Variants in NRXN3 observed in about 807,000 individuals in gnomAD.
NRXN3 encodes the protein neurexin 3.
In NRXN3, 32 loss-of-function variants were observed where a neutral mutation model predicts 137.6. The observed-to-expected ratio is 0.23, with a 90% CI of 0.18 to 0.31. The LOEUF (loss-of-function observed/expected upper bound fraction) is 0.31, where lower values mean the gene tolerates loss of function less well. NRXN3 is among the 10% of genes least tolerant of loss of function. The probability of loss-of-function intolerance (pLI) is 1.00; values close to 1 mark genes in which losing one functional copy is unlikely to be tolerated. For synonymous variants in NRXN3, 798 were observed against 784.5 expected (o/e 1.02, Z -0.29); for missense variants, 1,574 against 2,062.5 (o/e 0.76, Z 4.59).
chr14:79,210,502 GTT>G (rs2067487012), intron 15 of NRXN3, among the ~76,000 whole-genome samples: 1 of 152,232 alleles, frequency 6.6e-6, no homozygotes, highest in East Asian at 1.9e-4. Flanking sequence ...TAACACTCTG[GTT>G]TATATCTAAT....
Position 79,862,904 on chromosome 14 carries a change from T to C in NRXN3, c.*940T>C, listed in dbSNP as rs45542336. 6.8e-3 allele frequency: 1,031 copies of C among 152,518 alleles called. 6 individuals carry two copies. The highest frequency in any genetic ancestry group is 0.012 in the Non-Finnish European group (797 of 68,020). The allele number at this position is 152,518 out of a possible 1,614,324, so 9.4% of individuals were successfully genotyped here. A position where few individuals can be genotyped will look rare whatever the true frequency, so the allele number is the denominator to read the frequency against. ...TACGTAACAATATTGTTCCTGTCCATTCACCCAGCCAAATTGTGTTAAAGA... is the reference window on the plus strand; with the variant it reads ...TACGTAACAATATTGTTCCTGTCCACTCACCCAGCCAAATTGTGTTAAAGA... On this transcript the variant is annotated 3_prime_UTR_variant, in exon 21 of 21. Transcript: ENST00000335750.
intron 13 of NRXN3, 125 bp from the exon 14 acceptor site, chr14:78,968,048 T>TTTCCCCCCCCCCCCC (rs2099425468): frequency 1.8e-5 from 1 of 54,440 alleles, no homozygotes; most frequent in African/African-American, 5.4e-5. Context: ...ATTTATGCTG[T>TTTCCCCCCCCCCCCC]CCCCCCCCCC....
chr14:79,197,851 A>T (rs765991611), intron 15 of NRXN3, among the ~76,000 whole-genome samples: 64 of 152,154 alleles, frequency 4.2e-4, no homozygotes, highest in Non-Finnish European at 2.8e-4. Context: ...CCACTGTAGG[A>T]CAGCTTTCAA....
At position 78,631,984 on chromosome 14, in the gene NRXN3, G is replaced by A. The variant is rs1213047740; in HGVS notation, c.758-13136G>A. ...AAAAAATTAGCCGGGCGTGGTGGCG[G>A]CTGCCTGTAGTCCCACCTTCTCAGG... On this transcript the variant is annotated intron_variant, in intron 4 of 20. Coordinates refer to ENST00000335750, the MANE Select transcript of NRXN3 (RefSeq NM_001330195.2). 2.6e-5 allele frequency among the ~76,000 whole-genome samples: 4 copies of A among 151,924 alleles called. No individual in the cohort carries two copies. The East Asian group carries it at 7.7e-4, about 29-fold the overall frequency.
In NRXN3 at chr14:78,637,729, C is replaced by A. The variant is rs534617320; in HGVS notation, c.758-7391C>A. ...AATGTAAGTCCACTGTTCAACCAGG[C>A]AGAGTGCCCTGTTAACATGAATCCG... On this transcript the variant is annotated intron_variant, in intron 4 of 20. Transcript: ENST00000335750. Among the ~76,000 whole-genome samples the A allele has an allele frequency of 5.6e-4, 85 of 152,342 alleles. 1 individual carries two copies. The highest frequency in any genetic ancestry group is 2.9e-3 in the South Asian group (14 of 4,826).
intron 15 of NRXN3, among the ~76,000 whole-genome samples, chr14:79,267,446 C>T (rs1172734762): frequency 2.0e-5 from 3 of 151,730 alleles, no homozygotes; most frequent in Admixed American, 2.0e-4. Context: ...GCAACCTGCA[C>T]CTCCCAGGCT....
chr14:78,661,807 G>T (rs896579821), intron 6 of NRXN3, among the ~76,000 whole-genome samples: 1 of 152,054 alleles, frequency 6.6e-6, no homozygotes, highest in Non-Finnish European at 1.5e-5. Context: ...ACTTGATAGG[G>T]CTGTTGTATT....
intron 11 of NRXN3, among the ~76,000 whole-genome samples, chr14:78,962,796 C>T (rs31423): frequency 0.22 from 33,391 of 151,966 alleles, 7,124 homozygotes; most frequent in African/African-American, 0.56. Flanking sequence ...TCACTGCAGC[C>T]TCTGCCTCCT....
intron 15 of NRXN3, among the ~76,000 whole-genome samples, chr14:79,462,295 C>T (rs930837526): frequency 3.9e-5 from 6 of 151,988 alleles, no homozygotes; most frequent in African/African-American, 1.5e-4. Context: ...ATCGCTTGAA[C>T]CCAGGAGGCA....
At chr14:79,242,607 G>A (rs1474675427) in intron 15 of NRXN3, among the ~76,000 whole-genome samples, 4 of 152,048 alleles carry the variant, frequency 2.6e-5, no homozygotes, top group South Asian at 4.2e-4. Flanking sequence ...CCTCTCCAGA[G>A]GTAACTGCAA....
At chr14:78,302,614 G>A (rs980972225) in intron 4 of NRXN3, among the ~76,000 whole-genome samples, 1 of 152,246 alleles carries the variant, frequency 6.6e-6, no homozygotes, top group South Asian at 2.1e-4. Context: ...ATTCTCTGTA[G>A]CATATGTCTC....
At chr14:79,435,387 G>GA (rs917228388) in intron 15 of NRXN3, among the ~76,000 whole-genome samples, 16 of 151,968 alleles carry the variant, frequency 1.1e-4, no homozygotes, top group South Asian at 2.1e-4. Flanking sequence ...TGCTAAATAG[G>GA]AAAAAATCTT....
chr14:78,808,549 C>G (rs2098891277), intron 9 of NRXN3, among the ~76,000 whole-genome samples: 1 of 152,156 alleles, frequency 6.6e-6, no homozygotes, highest in African/African-American at 2.4e-5. Flanking sequence ...TCCTCCCTCC[C>G]TGCCCTCCCT....
At chr14:78,218,761 T>A (rs1003733752) in intron 1 of NRXN3, among the ~76,000 whole-genome samples, 5 of 152,232 alleles carry the variant, frequency 3.3e-5, no homozygotes, top group Non-Finnish European at 7.3e-5. Flanking sequence ...ATGGGGTACC[T>A]AAGCTGTGAG....
At chr14:78,775,422 G>A (rs545731820) in intron 8 of NRXN3, among the ~76,000 whole-genome samples, 2 of 152,288 alleles carry the variant, frequency 1.3e-5, no homozygotes, top group Admixed American at 6.5e-5. Context: ...TTTGAATGTG[G>A]CCCAACACAA....
chr14:78,705,668 G>A (rs964494478), intron 6 of NRXN3, among the ~76,000 whole-genome samples: 38 of 152,212 alleles, frequency 2.5e-4, no homozygotes, highest in African/African-American at 8.4e-4. Context: ...ACAGCCCTGT[G>A]AGCTGGGAAA....
intron 8 of NRXN3, among the ~76,000 whole-genome samples, chr14:78,787,015 T>C (rs1276015689): frequency 6.6e-6 from 1 of 152,174 alleles, no homozygotes; most frequent in Non-Finnish European, 1.5e-5. Context: ...ATGGTTCTTT[T>C]TCGATAAAGT....
chr14:78,895,742 AT>A (rs2099171703), intron 10 of NRXN3, among the ~76,000 whole-genome samples: 1 of 151,806 alleles, frequency 6.6e-6, no homozygotes, highest in Non-Finnish European at 1.5e-5. Context: ...TCTTCCTTTC[AT>A]TTGAATACTT....
intron 8 of NRXN3, among the ~76,000 whole-genome samples, chr14:78,725,473 A>G (rs187398298): frequency 9.5e-4 from 144 of 152,356 alleles, no homozygotes; most frequent in Non-Finnish European, 1.5e-3. Flanking sequence ...ATCTCCAGCC[A>G]GTTAGTTGTC....
Sources: gnomAD v4.1 joint callset for allele counts (sites outside exome capture counted in the v4.1 genomes callset) on GRCh38, gnomAD v4.1.1 for gene constraint, MANE v1.5 for transcripts, NCBI Gene and HGNC (gene_info 2026-07-23, HGNC 2026-07-21) for gene names.